The following UTP6 variants were observed in gnomAD, a reference collection of about 807,000 sequenced individuals.
UTP6 encodes the protein U3 small nucleolar RNA-associated protein 6 homolog.
UTP6 carries 60 observed loss-of-function variants against 96.5 expected under a neutral mutation model. The ratio of observed to expected loss-of-function variants is 0.62; its 90% CI spans 0.51 to 0.77. UTP6 has a LOEUF of 0.77. Among genes scored for constraint, UTP6 ranks in the 30% least tolerant of loss-of-function variants. The pLI is 0.00. For synonymous variants in UTP6, 215 were observed against 240.1 expected, an observed-to-expected ratio of 0.90 and a Z score of 0.96; for missense variants, 637 against 706.5, an observed-to-expected ratio of 0.90 and a Z score of 1.12.
intron 6 of UTP6, among the ~76,000 whole-genome samples, chr17:31,891,916 A>G (rs530435422): frequency 6.6e-6 from 1 of 152,254 alleles, no homozygotes; most frequent in African/African-American, 2.4e-5. Flanking sequence ...CCACCTACTC[A>G]GGAGGCTAAG....
chr17:31,884,607 T>A, intron 9 of UTP6, 102 bp from the exon 10 acceptor site: 1 of 902,332 alleles, frequency 1.1e-6, no homozygotes, highest in Non-Finnish European at 1.7e-6. Flanking sequence ...CTTCTTGTTT[T>A]TTGAAATGAG....
Position 31,875,245 on chromosome 17 carries a change from G to A in UTP6, c.1294C>T (p.Leu432=). The change falls in exon 14 of 19, where the codon CTG becomes TTG. Residue 432 remains leucine, a synonymous_variant. Transcript: ENST00000261708. ...AMLFEEAFVH[L]KPQVCLPLWI... ...TCCAGCTCACTGACCTGGGGTTTCA[G>A]GTGCACAAAGGCTTCTTCAAAAAGC... is the stretch of plus-strand genomic sequence containing the variant. The A allele has an allele frequency of 6.2e-7, 1 of 1,613,990 alleles. No homozygotes were observed. The highest frequency in any genetic ancestry group is 8.5e-7 in the Non-Finnish European group (1 of 1,179,990).
At chr17:31,899,759 T>A in intron 1 of UTP6, 29 bp from the exon 2 acceptor site, 1 of 1,466,252 alleles carries the variant, frequency 6.8e-7, no homozygotes, top group Non-Finnish European at 9.2e-7. Flanking sequence ...AAACTTCACT[T>A]GAAAACTGCA....
At chr17:31,885,047 A>G (rs2142310858) in intron 9 of UTP6, 1 of 152,710 alleles carries the variant, frequency 6.5e-6, no homozygotes, top group South Asian at 2.1e-4. Context: ...CCCTGTCTCA[A>G]AAAAAAAACA....
intron 16 of UTP6, 42 bp downstream of exon 16, chr17:31,873,336 G>A (rs748184980): frequency 1.9e-6 from 3 of 1,573,922 alleles, no homozygotes; most frequent in Non-Finnish European, 2.6e-6. Context: ...GGCTGAGCAT[G>A]GGGTAGAGGG....
At chr17:31,893,113 A>G (rs1229182684) in intron 4 of UTP6, among the ~76,000 whole-genome samples, 1 of 152,144 alleles carries the variant, frequency 6.6e-6, no homozygotes, top group African/African-American at 2.4e-5. Context: ...TCTACTAAAA[A>G]TACAAAAAAA....
chr17:31,882,795 T>C (rs564329341), intron 10 of UTP6, among the ~76,000 whole-genome samples: 3 of 152,208 alleles, frequency 2.0e-5, no homozygotes, highest in Admixed American at 6.5e-5. Flanking sequence ...ATTTTTTTTT[T>C]CTTTTTTTGA....
At chr17:31,891,307 C>T (rs979912322) in intron 6 of UTP6, among the ~76,000 whole-genome samples, 1 of 152,170 alleles carries the variant, frequency 6.6e-6, no homozygotes, top group Non-Finnish European at 1.5e-5. Context: ...ACTGGATCCC[C>T]TACCTACTGA....
At chr17:31,868,254 G>A (rs1909943120) in intron 16 of UTP6, 142 bp from the exon 17 acceptor site, 4 of 550,774 alleles carry the variant, frequency 7.3e-6, no homozygotes, top group Non-Finnish European at 1.2e-5. Context: ...GACTTGACCT[G>A]ATGGCCAGTC....
intron 2 of UTP6, among the ~76,000 whole-genome samples, chr17:31,898,902 T>C (rs528112272): frequency 2.0e-5 from 3 of 151,846 alleles, no homozygotes; most frequent in South Asian, 4.2e-4. Flanking sequence ...TGCGGTGCCA[T>C]ACGCCTGTAA....
intron 18 of UTP6, among the ~76,000 whole-genome samples, chr17:31,863,784 T>A (rs923946888): frequency 3.3e-5 from 5 of 152,064 alleles, no homozygotes; most frequent in African/African-American, 1.2e-4. Flanking sequence ...CTTACTACAG[T>A]CTCAACCTCC....
chr17:31,886,883 A>G (rs1188346618), intron 8 of UTP6, among the ~76,000 whole-genome samples: 1 of 152,230 alleles, frequency 6.6e-6, no homozygotes, highest in Non-Finnish European at 1.5e-5. Context: ...AAAGAATAGT[A>G]TTTGGCTATT....
intron 6 of UTP6, among the ~76,000 whole-genome samples, chr17:31,891,568 A>G (rs1294670629): frequency 6.6e-6 from 1 of 152,176 alleles, no homozygotes; most frequent in Non-Finnish European, 1.5e-5. Context: ...CACAAGAGAA[A>G]TATTTCTCTT....
intron 13 of UTP6, among the ~76,000 whole-genome samples, chr17:31,876,962 A>C (rs1243033582): frequency 6.6e-6 from 1 of 152,222 alleles, no homozygotes; most frequent in African/African-American, 2.4e-5. Context: ...CAGTGGGCCA[A>C]GATCATGCCA....
Position 31,863,302 on chromosome 17 carries a change from T to C in UTP6, c.*57A>G. On this transcript the variant is annotated 3_prime_UTR_variant, in exon 19 of 19. Transcript: ENST00000261708. ...AATTACAGATGGACTCAATACAAAT[T>C]TGCCCACGGGGCTTGCTTGCAATAC... The C allele has an allele frequency of 3.2e-6, 5 of 1,585,920 alleles. No homozygotes were observed. The highest frequency in any genetic ancestry group is 4.3e-6 in the Non-Finnish European group (5 of 1,163,790).
intron 1 of UTP6, 72 bp downstream of exon 1, chr17:31,901,464 T>C (rs756531225): frequency 1.4e-6 from 2 of 1,445,540 alleles, no homozygotes; most frequent in Non-Finnish European, 1.9e-6. Flanking sequence ...TCCCCACATC[T>C]AGCCCCTGCC....
At chr17:31,881,669 T>C (rs553838555) in intron 10 of UTP6, among the ~76,000 whole-genome samples, 3 of 152,114 alleles carry the variant, frequency 2.0e-5, no homozygotes, top group Non-Finnish European at 4.4e-5. Context: ...AGCAGTTATC[T>C]GTGACAACAC....
chr17:31,899,936 G>C (rs1904873712), intron 1 of UTP6, among the ~76,000 whole-genome samples: 1 of 152,098 alleles, frequency 6.6e-6, no homozygotes, highest in African/African-American at 2.4e-5. Context: ...AAGAGGTCAA[G>C]AGACTGAGAC....
rs1389762051 is a variant in UTP6, at chr17:31,868,116, A to C, written c.1497-4T>G. ...AAATGGTCGGCTCTCCTGTAAACTA[A>C]AAAGGAAGGAGAAAACGTTATCTTC... On this transcript the variant is annotated splice_polypyrimidine_tract_variant and splice_region_variant and intron_variant, in intron 16 of 18. Transcript: ENST00000261708. The C allele has an allele frequency of 1.9e-6, 3 of 1,611,656 alleles. No individual in the cohort carries two copies. The highest frequency in any genetic ancestry group is 2.5e-6 in the Non-Finnish European group (3 of 1,178,614).
Sources: allele counts gnomAD v4.1 joint callset (sites outside exome capture counted in the v4.1 genomes callset), GRCh38; gene constraint gnomAD v4.1.1; transcripts MANE v1.5; gene names NCBI Gene and HGNC (gene_info 2026-07-23, HGNC 2026-07-21).